Variants in PHACTR1 observed in about 807,000 individuals in gnomAD.
PHACTR1 encodes phosphatase and actin regulator 1.
A neutral mutation model predicts 69.2 loss-of-function variants in PHACTR1; 16 were observed. That is an observed-to-expected ratio of 0.23 (90% confidence interval 0.16 to 0.35). PHACTR1 has a LOEUF of 0.35. PHACTR1 is among the 10% of genes least tolerant of loss of function. The probability of loss-of-function intolerance (pLI) is 1.00; values close to 1 mark genes in which losing one functional copy is unlikely to be tolerated. For missense variants in PHACTR1, 510 were observed against 734.7 expected (o/e 0.69, Z 3.54); for synonymous variants, 312 against 284.5 (o/e 1.10, Z -0.97).
Position 13,275,017 on chromosome 6 carries a change from T to C in PHACTR1, c.1447+2102T>C, listed in dbSNP as rs1778590795. ...TTTTTTTAAATTTAATCTATTGCGA[T>C]TGTTAAACAAAAAAAATGTCTAGTG... On this transcript the variant is annotated intron_variant, in intron 11 of 14. Coordinates refer to ENST00000332995, the MANE Select transcript of PHACTR1 (RefSeq NM_030948.6). The surrounding 1 kb of genome is among the most constrained non-coding windows in gnomAD (Gnocchi z 4.0). 1 of 152,196 alleles carries C rather than the reference T, an allele frequency of 6.6e-6. No individual in the cohort carries two copies. Among genetic ancestry groups the C allele is most frequent in the Non-Finnish European group, 1.5e-5 (1 of 68,028 alleles). The allele number at this position is 152,196 out of a possible 1,614,324, so 9.4% of individuals were successfully genotyped here. A position where few individuals can be genotyped will look rare whatever the true frequency, so the allele number is the denominator to read the frequency against.
At chr6:12,923,536 C>A (rs909545234) in intron 4 of PHACTR1, among the ~76,000 whole-genome samples, 3 of 152,150 alleles carry the variant, frequency 2.0e-5, no homozygotes, top group African/African-American at 7.2e-5. Flanking sequence ...TTTGAGAACC[C>A]CCTCCATTTT....
In PHACTR1 at chr6:12,753,943, A is replaced by AATAT. The variant is rs775836853; in HGVS notation, c.250+4178_250+4181dup. ...GAGAACTGTCCCTAGGCAAGTTGTA[A>AATAT]ATATATATATATATATATATATATA... On this transcript the variant is annotated intron_variant, in intron 4 of 14. Coordinates refer to ENST00000332995, the MANE Select transcript of PHACTR1 (RefSeq NM_030948.6). Among the ~76,000 whole-genome samples, 718 of 86,214 alleles carry AATAT rather than the reference A, an allele frequency of 8.3e-3. 6 individuals carry two copies. Among genetic ancestry groups the AATAT allele is most frequent in the East Asian group, 0.011 (43 of 3,958 alleles). 56.6% of individuals were successfully genotyped at this position (86,214 alleles called of 152,430 possible).
chr6:12,761,191 A>G (rs1767985953), intron 4 of PHACTR1, among the ~76,000 whole-genome samples: 1 of 152,254 alleles, frequency 6.6e-6, no homozygotes, highest in Non-Finnish European at 1.5e-5. Context: ...GCCAAGTGCC[A>G]TACAAAGGCA....
chr6:12,859,746 G>A (rs1346111746), intron 4 of PHACTR1, among the ~76,000 whole-genome samples: 1 of 152,142 alleles, frequency 6.6e-6, no homozygotes, highest in Non-Finnish European at 1.5e-5. Context: ...GATTAGGGAT[G>A]ATACCTCATC....
chr6:13,193,440 G>GC (rs1763908192), intron 7 of PHACTR1, among the ~76,000 whole-genome samples: 1 of 144,444 alleles, frequency 6.9e-6, no homozygotes, highest in South Asian at 2.2e-4. Flanking sequence ...AACTTGGAGT[G>GC]CAGTGGCATG....
At chr6:12,749,427 T>G in intron 3 of PHACTR1, 266 of 562,508 alleles carry the variant, frequency 4.7e-4, no homozygotes, top group East Asian at 1.6e-3. Flanking sequence ...CCTTAACGGA[T>G]TTTCTTTCTC....
rs1372906003 is a variant in PHACTR1 at position 12,884,567 on chromosome 6, A to AT, written c.250+134784dup. ...AGGCGCCTGCCACCACACCCGGCTAATTTTTTTGTATTTTTAGTAGAGACA... is the reference window on the plus strand; with the variant it reads ...AGGCGCCTGCCACCACACCCGGCTAATTTTTTTTGTATTTTTAGTAGAGACA... On this transcript the variant is annotated intron_variant, in intron 4 of 14. Coordinates refer to ENST00000332995, the MANE Select transcript of PHACTR1 (RefSeq NM_030948.6). Among the ~76,000 whole-genome samples the AT allele has an allele frequency of 2.6e-5, 4 of 151,890 alleles. No individual in the cohort carries two copies. In the South Asian group the frequency reaches 6.2e-4, roughly 24 times the overall value.
Position 13,190,198 on chromosome 6 carries a change from A to ATTTTTTTTTTTTTTTTTTTTT in PHACTR1, c.664+7528_664+7529insTTTTTTTTTTTTTTTTTTTTT, listed in dbSNP as rs1215055032. On this transcript the variant is annotated intron_variant, in intron 7 of 14. Transcript: ENST00000332995. ...GCCACTATGCTCAGCTAATTTTTGTATTTTTTTTTTTTTTTTAGTAGAGGT... is the reference window on the plus strand; with the variant it reads ...GCCACTATGCTCAGCTAATTTTTGTATTTTTTTTTTTTTTTTTTTTTTTTTTTTTTTTTTTTTAGTAGAGGT... Among the ~76,000 whole-genome samples the ATTTTTTTTTTTTTTTTTTTTT allele has an allele frequency of 6.1e-4, 53 of 87,228 alleles. 5 individuals carry two copies. The highest frequency in any genetic ancestry group is 8.1e-4 in the Non-Finnish European group (38 of 47,198). 57.2% of individuals were successfully genotyped at this position (87,228 alleles called of 152,430 possible).
At chr6:12,754,352 A>G (rs958971629) in intron 4 of PHACTR1, among the ~76,000 whole-genome samples, 1 of 151,418 alleles carries the variant, frequency 6.6e-6, no homozygotes, top group African/African-American at 2.4e-5. Context: ...ATCCTCCTTC[A>G]CTCTTTTGCT....
intron 4 of PHACTR1, among the ~76,000 whole-genome samples, chr6:12,784,201 T>C (rs565526061): frequency 2.6e-5 from 4 of 151,916 alleles, no homozygotes; most frequent in Non-Finnish European, 5.9e-5. Flanking sequence ...TACATATATA[T>C]CTATACACAC....
intron 8 of PHACTR1, among the ~76,000 whole-genome samples, chr6:13,223,391 A>C (rs191568615): frequency 8.5e-4 from 129 of 152,344 alleles, no homozygotes; most frequent in Non-Finnish European, 1.5e-3. Context: ...ATCGGTGAAT[A>C]GATGGGTCTC....
chr6:13,286,955 G>A (rs116688095), intron 14 of PHACTR1, 108 bp from the exon 15 acceptor site: 164 of 1,211,106 alleles, frequency 1.4e-4, no homozygotes, highest in African/African-American at 1.1e-3. Context: ...TGGGAAGCTC[G>A]CACCTCCCTC....
chr6:13,142,655 G>A lies in PHACTR1; in HGVS notation c.416-17549G>A, dbSNP rs577147887. The stretch of plus-strand genomic sequence containing the variant: ...TGTCCTGATACCATTTGTTTAAAAA[G>A]TTCTATTTTTCCCCTTTGAATTTTC... On this transcript the variant is annotated intron_variant, in intron 5 of 14. Coordinates refer to ENST00000332995, the MANE Select transcript of PHACTR1 (RefSeq NM_030948.6). Among the ~76,000 whole-genome samples the A allele has an allele frequency of 7.2e-5, 11 of 152,176 alleles. No homozygotes were observed. In the South Asian group the frequency reaches 2.3e-3, roughly 32 times the overall value.
intron 12 of PHACTR1, chr6:13,279,738 G>A (rs909394255): frequency 5.1e-4 from 77 of 152,344 alleles, no homozygotes; most frequent in African/African-American, 1.6e-3. Flanking sequence ...TGTCCCACCC[G>A]TCAAGGTTGG....
Position 13,287,312 on chromosome 6 carries a change from C to A in PHACTR1, c.*234C>A, listed in dbSNP as rs928479445. On this transcript the variant is annotated 3_prime_UTR_variant, in exon 15 of 15. Coordinates refer to ENST00000332995, the MANE Select transcript of PHACTR1 (RefSeq NM_030948.6). ...CTTCTGACACCAAAATGCATCCCAA[C>A]CCCCGGCAGTGCCAAGGGCACCAGC... is the stretch of plus-strand genomic sequence containing the variant. 3 of 520,086 alleles carry A rather than the reference C, an allele frequency of 5.8e-6. No homozygotes were observed. The highest frequency in any genetic ancestry group is 9.6e-6 in the Non-Finnish European group (3 of 313,758). 32.2% of individuals were successfully genotyped at this position (520,086 alleles called of 1,614,324 possible). A position where few individuals can be genotyped will look rare whatever the true frequency, so the allele number is the denominator to read the frequency against.
At chr6:13,026,934 T>TA (rs933221738) in intron 4 of PHACTR1, among the ~76,000 whole-genome samples, 4 of 151,728 alleles carry the variant, frequency 2.6e-5, no homozygotes, top group Admixed American at 6.6e-5. Flanking sequence ...AAATAAAAAA[T>TA]AAAAAAAATA....
chr6:13,275,854 C>T lies in PHACTR1; in HGVS notation c.1448-2414C>T, dbSNP rs1012898227. 9 of 152,174 alleles carry T rather than the reference C, an allele frequency of 5.9e-5. No homozygotes were observed. The highest frequency in any genetic ancestry group is 1.9e-4 in the East Asian group (1 of 5,192). The allele number at this position is 152,174 out of a possible 1,614,324, so 9.4% of individuals were successfully genotyped here. ...CCATCCGTTTTCCCACCTGAGACAT[C>T]GCAAAATGGGAGTTCCCTCCTTCTG... On this transcript the variant is annotated intron_variant, in intron 11 of 14. Transcript: ENST00000332995. This position sits in a 1 kb window ranked among gnomAD's most constrained non-coding sequence, Gnocchi z 4.0.
intron 4 of PHACTR1, among the ~76,000 whole-genome samples, chr6:13,013,882 G>A (rs959120752): frequency 4.0e-5 from 6 of 149,130 alleles, no homozygotes; most frequent in African/African-American, 1.5e-4. Context: ...GCGCCCGGGG[G>A]CCGGATGGCG....
At chr6:12,741,490 T>C (rs1463050826) in intron 3 of PHACTR1, among the ~76,000 whole-genome samples, 2 of 152,124 alleles carry the variant, frequency 1.3e-5, no homozygotes, top group East Asian at 3.8e-4. Context: ...TATATATACT[T>C]GTGTAACCAC....
Sources: gnomAD v4.1 joint callset for allele counts (sites outside exome capture counted in the v4.1 genomes callset) on GRCh38, gnomAD v4.1.1 for gene constraint, Gnocchi (gnomAD v3.1) non-coding constraint, MANE v1.5 for transcripts, NCBI Gene and HGNC (gene_info 2026-07-23, HGNC 2026-07-21) for gene names.